Variants in DLGAP2 observed in about 807,000 individuals in gnomAD.
DLGAP2 encodes disks large-associated protein 2.
DLGAP2 carries 26 observed loss-of-function variants against 100.3 expected under a neutral mutation model. The observed-to-expected ratio is 0.26, with a 90% CI of 0.19 to 0.36. The LOEUF (loss-of-function observed/expected upper bound fraction) is 0.36, where lower values mean the gene tolerates loss of function less well. Among genes scored for constraint, DLGAP2 ranks in the 10% least tolerant of loss-of-function variants. The probability of loss-of-function intolerance (pLI) is 1.00; values close to 1 mark genes in which losing one functional copy is unlikely to be tolerated. For synonymous variants in DLGAP2, 886 were observed against 630.1 expected, an observed-to-expected ratio of 1.41 and a Z score of -6.08; for missense variants, 1,858 against 1,453.2, an observed-to-expected ratio of 1.28 and a Z score of -4.53.
intron 10 of DLGAP2, among the ~76,000 whole-genome samples, chr8:1,670,668 G>A (rs1304314892): frequency 2.0e-5 from 3 of 152,174 alleles, no homozygotes; most frequent in Non-Finnish European, 4.4e-5. Flanking sequence ...GGATGACGAA[G>A]TCACCTTTCA....
At chr8:1,614,967 T>C (rs780335211) in intron 6 of DLGAP2, among the ~76,000 whole-genome samples, 1 of 152,258 alleles carries the variant, frequency 6.6e-6, no homozygotes, top group Non-Finnish European at 1.5e-5. Flanking sequence ...CGGCTGCCCA[T>C]GGTCCTGTGA....
rs1465363899 is a variant in DLGAP2 at position 1,549,674 on chromosome 8, C to T, written c.1221C>T (p.His407=). Residue 407 remains histidine, a synonymous_variant, in exon 5 of 15, where the codon CAC becomes CAT. Coordinates refer to ENST00000637795, the MANE Select transcript of DLGAP2 (RefSeq NM_001346810.2). ...CCAAGCCCGCCCTGAGGCCGTGCCA[C>T]TACCTCCAGGTAAGCAGGCTCACGG... ...QDAKPALRPC[H]YLQVPQDEWG... is the part of the protein sequence containing the mutation. The T allele has an allele frequency of 1.3e-6, 2 of 1,549,526 alleles. No individual in the cohort carries two copies. The highest frequency in any genetic ancestry group is 1.4e-5 in the African/African-American group (1 of 73,410).
intron 1 of DLGAP2, among the ~76,000 whole-genome samples, chr8:832,882 A>G (rs1796807514): frequency 6.6e-6 from 1 of 152,140 alleles, no homozygotes; most frequent in African/African-American, 2.4e-5. Context: ...GGGTGTATGG[A>G]CATGGGGTGG....
chr8:1,589,088 G>A (rs913033003), intron 6 of DLGAP2, among the ~76,000 whole-genome samples: 2 of 152,164 alleles, frequency 1.3e-5, no homozygotes. Flanking sequence ...ATGTATGAAT[G>A]CACAGTAATC....
chr8:971,602 T>C (rs1272614770), intron 2 of DLGAP2, among the ~76,000 whole-genome samples: 1 of 152,194 alleles, frequency 6.6e-6, no homozygotes, highest in Admixed American at 6.5e-5. Context: ...CCATTCTACT[T>C]GTGTGAGTTT....
rs1222907588 is a variant in DLGAP2, at chr8:1,156,669, T to C, written c.74-102182T>C. Among the ~76,000 whole-genome samples the C allele has an allele frequency of 7.4e-4, 17 of 22,926 alleles. No individual in the cohort carries two copies. In the East Asian group the frequency reaches 0.013, roughly 17 times the overall value. 15.0% of individuals were successfully genotyped at this position (22,926 alleles called of 152,430 possible). A position where few individuals can be genotyped will look rare whatever the true frequency, so the allele number is the denominator to read the frequency against. ...AGCGCCCCAGCCCAGCGCCCCAGCT[T>C]AGCGTCCCAGCCCAGCACCCCAGCT... is the stretch of plus-strand genomic sequence containing the variant. On this transcript the variant is annotated intron_variant, in intron 2 of 14. Coordinates refer to ENST00000637795, the MANE Select transcript of DLGAP2 (RefSeq NM_001346810.2).
intron 2 of DLGAP2, among the ~76,000 whole-genome samples, chr8:1,211,143 A>G (rs1032242821): frequency 1.3e-5 from 2 of 152,236 alleles, no homozygotes; most frequent in African/African-American, 4.8e-5. Context: ...TGGTTTTGCA[A>G]CATGATCTCA....
At chr8:1,577,347 TC>T (rs1337127340) in intron 6 of DLGAP2, among the ~76,000 whole-genome samples, 2 of 152,076 alleles carry the variant, frequency 1.3e-5, no homozygotes, top group African/African-American at 4.8e-5. Context: ...GGTGGGCAGA[TC>T]AACTGAGGTC....
At chr8:882,738 C>T (rs1203389469) in intron 1 of DLGAP2, among the ~76,000 whole-genome samples, 2 of 146,072 alleles carry the variant, frequency 1.4e-5, no homozygotes, top group African/African-American at 5.1e-5. Flanking sequence ...CGCGCACCCT[C>T]GCCTGATCCA....
At chr8:1,010,029 A>G (rs1483608109) in intron 2 of DLGAP2, among the ~76,000 whole-genome samples, 1 of 152,260 alleles carries the variant, frequency 6.6e-6, no homozygotes, top group African/African-American at 2.4e-5. Flanking sequence ...AAAGAATGTC[A>G]GTATTTCACT....
Position 1,344,156 on chromosome 8 carries a change from T to TGAGTCCGTGTACTC in DLGAP2, c.106+85274_106+85275insAGTCCGTGTACTCG, listed in dbSNP as rs1563095112. 3.3e-5 allele frequency among the ~76,000 whole-genome samples: 5 copies of TGAGTCCGTGTACTC among 151,308 alleles called. No homozygotes were observed. The South Asian group carries it at 6.3e-4, about 19-fold the overall frequency. On this transcript the variant is annotated intron_variant, in intron 3 of 14. Transcript: ENST00000637795. Reference sequence around the variant, plus strand: ...GGTCCGTGTACTCGGGGCCCTGTCGTGGGTCTTTGTACTCGGGGCGCTGTC... The same window carrying TGAGTCCGTGTACTC: ...GGTCCGTGTACTCGGGGCCCTGTCGTGAGTCCGTGTACTCGGGTCTTTGTACTCGGGGCGCTGTC...
At chr8:1,270,596 T>G (rs546620717) in intron 3 of DLGAP2, among the ~76,000 whole-genome samples, 1 of 152,194 alleles carries the variant, frequency 6.6e-6, no homozygotes, top group African/African-American at 2.4e-5. Flanking sequence ...TGGGGGCTTC[T>G]TAAGAACGTA....
intron 8 of DLGAP2, among the ~76,000 whole-genome samples, chr8:1,658,668 T>A (rs1266010877): frequency 6.6e-6 from 1 of 152,206 alleles, no homozygotes; most frequent in East Asian, 1.9e-4. Flanking sequence ...TAGTTTGTAT[T>A]TCTGTGGGAT....
chr8:844,450 T>A (rs1383190985), intron 1 of DLGAP2, among the ~76,000 whole-genome samples: 4 of 152,148 alleles, frequency 2.6e-5, no homozygotes, highest in Non-Finnish European at 5.9e-5. Flanking sequence ...CTGTCCTTCC[T>A]CACCCATCAA....
chr8:860,417 G>A (rs534050511), intron 1 of DLGAP2, among the ~76,000 whole-genome samples: 4 of 152,232 alleles, frequency 2.6e-5, no homozygotes, highest in African/African-American at 9.6e-5. Context: ...ACACTTTCAA[G>A]GCTCTCCATT....
chr8:1,076,911 C>A (rs1308581450), intron 2 of DLGAP2, among the ~76,000 whole-genome samples: 1 of 143,532 alleles, frequency 7.0e-6, no homozygotes, highest in Admixed American at 7.0e-5. Flanking sequence ...CGGCCCCCCC[C>A]AAGACCAAGA....
rs116523914 is a variant in DLGAP2, at chr8:1,275,289, G to A, written c.106+16406G>A. The stretch of plus-strand genomic sequence containing the variant: ...GTAACTGGGGGCTCAGTGAGGCATC[G>A]TAGCTTACTAGATGCCCACAGAGCA... On this transcript the variant is annotated intron_variant, in intron 3 of 14. Transcript: ENST00000637795. Among the ~76,000 whole-genome samples the A allele has an allele frequency of 3.8e-3, 578 of 151,818 alleles. 3 individuals carry two copies. The highest frequency in any genetic ancestry group is 0.013 in the African/African-American group (542 of 41,370).
At chr8:1,223,517 C>T (rs1328180605) in intron 2 of DLGAP2, among the ~76,000 whole-genome samples, 2 of 152,176 alleles carry the variant, frequency 1.3e-5, no homozygotes, top group African/African-American at 4.8e-5. Context: ...AGAAAAATAT[C>T]ATTGTATAAG....
intron 3 of DLGAP2, among the ~76,000 whole-genome samples, chr8:1,308,332 T>A (rs1800539202): frequency 6.6e-6 from 1 of 152,166 alleles, no homozygotes; most frequent in Non-Finnish European, 1.5e-5. Context: ...ATACAGTGTT[T>A]TCAAAAAATA....
Sources: gnomAD v4.1 joint callset for allele counts (sites outside exome capture counted in the v4.1 genomes callset) on GRCh38, gnomAD v4.1.1 for gene constraint, MANE v1.5 for transcripts, NCBI Gene and HGNC (gene_info 2026-07-23, HGNC 2026-07-21) for gene names.